Variants in CCNY observed in about 807,000 individuals in gnomAD.
CCNY encodes cyclin-Y.
In CCNY, 19 loss-of-function variants were observed where a neutral mutation model predicts 42.8. The ratio of observed to expected loss-of-function variants is 0.44; its 90% confidence interval spans 0.31 to 0.65. The LOEUF is 0.65. Ranked by LOEUF, CCNY falls within the 30% of genes least tolerant of loss-of-function variation. The probability of loss-of-function intolerance (pLI) is 0.07; values close to 1 mark genes in which losing one functional copy is unlikely to be tolerated. For synonymous variants in CCNY, 165 were observed against 162.7 expected, an observed-to-expected ratio of 1.01 and a Z score of -0.11; for missense variants, 370 against 437.3, an observed-to-expected ratio of 0.85 and a Z score of 1.37.
chr10:35,341,091 C>G (rs191924876), intron 1 of CCNY, among the ~76,000 whole-genome samples: 1 of 152,218 alleles, frequency 6.6e-6, no homozygotes, highest in Non-Finnish European at 1.5e-5. Context: ...CACTCAAAAA[C>G]GGCAGTGACT....
chr10:35,534,317 C>T (rs1840833894), intron 7 of CCNY, among the ~76,000 whole-genome samples: 1 of 152,238 alleles, frequency 6.6e-6, no homozygotes, highest in Non-Finnish European at 1.5e-5. Context: ...CCACCACACC[C>T]AGCCCTGCTT....
At chr10:35,288,805 T>C (rs368330462) in intron 3 of CCNY, among the ~76,000 whole-genome samples, 3 of 152,244 alleles carry the variant, frequency 2.0e-5, no homozygotes, top group Non-Finnish European at 2.9e-5. Context: ...TATTCACCAA[T>C]GTATGAATAC....
chr10:35,426,835 C>A (rs1439840952), intron 1 of CCNY, among the ~76,000 whole-genome samples: 1 of 152,218 alleles, frequency 6.6e-6, no homozygotes, highest in Non-Finnish European at 1.5e-5. Flanking sequence ...GAAAGGACCT[C>A]TTGGTTTTGT....
At chr10:35,545,692 C>T (rs1222823132) in intron 7 of CCNY, among the ~76,000 whole-genome samples, 1 of 152,164 alleles carries the variant, frequency 6.6e-6, no homozygotes, top group Admixed American at 6.5e-5. Context: ...CCCATATCCA[C>T]AGGATACCAA....
intron 1 of CCNY, among the ~76,000 whole-genome samples, chr10:35,406,869 C>A (rs886214917): frequency 4.0e-5 from 6 of 151,704 alleles, no homozygotes; most frequent in Non-Finnish European, 5.9e-5. Context: ...CTGACCCCCC[C>A]CCACCTCCGT....
chr10:35,463,914 T>C (rs549438567), intron 1 of CCNY, among the ~76,000 whole-genome samples: 1 of 152,236 alleles, frequency 6.6e-6, no homozygotes, highest in East Asian at 1.9e-4. Context: ...TGGAAGGTCC[T>C]GCCTGGCCAG....
intron 1 of CCNY, among the ~76,000 whole-genome samples, chr10:35,359,630 C>G (rs1836638916): frequency 6.6e-6 from 1 of 151,972 alleles, no homozygotes; most frequent in Non-Finnish European, 1.5e-5. Context: ...TGTGATCCAC[C>G]ACACCCATTT....
At chr10:35,362,462 C>T (rs1231557357) in intron 1 of CCNY, among the ~76,000 whole-genome samples, 1 of 152,092 alleles carries the variant, frequency 6.6e-6, no homozygotes, top group Non-Finnish European at 1.5e-5. Flanking sequence ...GTATTTGGGT[C>T]TTGGCAACTG....
intron 3 of CCNY, among the ~76,000 whole-genome samples, chr10:35,283,145 G>A (rs1835316133): frequency 6.6e-6 from 1 of 152,112 alleles, no homozygotes; most frequent in Non-Finnish European, 1.5e-5. Flanking sequence ...AACTCTGCTG[G>A]TGAACATATT....
chr10:35,506,148 T>C (rs893696795), intron 3 of CCNY, among the ~76,000 whole-genome samples: 3 of 152,208 alleles, frequency 2.0e-5, no homozygotes, highest in Admixed American at 6.5e-5. Context: ...GCCATATGCT[T>C]GGAGGATGTG....
chr10:35,514,928 C>A (rs183087065), intron 3 of CCNY, among the ~76,000 whole-genome samples: 70 of 152,212 alleles, frequency 4.6e-4, no homozygotes, highest in African/African-American at 1.7e-3. Flanking sequence ...TAGTTTATCA[C>A]CTATGGTAAT....
intron 3 of CCNY, among the ~76,000 whole-genome samples, chr10:35,511,376 T>G (rs1840321984): frequency 6.6e-6 from 1 of 151,918 alleles, no homozygotes. Flanking sequence ...AACACGGGCA[T>G]AGAACACACA....
chr10:35,531,605 G>A (rs1272989945), intron 7 of CCNY, among the ~76,000 whole-genome samples: 3 of 152,344 alleles, frequency 2.0e-5, no homozygotes, highest in Admixed American at 6.5e-5. Flanking sequence ...AGATTTTTAT[G>A]TAGGGAAATT....
At chr10:35,283,703 G>T (rs543348395) in intron 3 of CCNY, among the ~76,000 whole-genome samples, 1 of 152,024 alleles carries the variant, frequency 6.6e-6, no homozygotes, top group Non-Finnish European at 1.5e-5. Context: ...GCGCCCAGCC[G>T]GTAAGAACAG....
chr10:35,331,149 C>A (rs1835939317), intron 3 of CCNY, among the ~76,000 whole-genome samples: 1 of 152,322 alleles, frequency 6.6e-6, no homozygotes, highest in African/African-American at 2.4e-5. Context: ...CATCTTTGAG[C>A]TGGGCATACT....
At chr10:35,474,053 C>T (rs1204728740) in intron 1 of CCNY, among the ~76,000 whole-genome samples, 1 of 152,192 alleles carries the variant, frequency 6.6e-6, no homozygotes, top group Non-Finnish European at 1.5e-5. Flanking sequence ...CCTGGAAAAT[C>T]GGGTCATTCC....
chr10:35,294,680 G>A (rs1835450349), intron 3 of CCNY, among the ~76,000 whole-genome samples: 1 of 152,178 alleles, frequency 6.6e-6, no homozygotes, highest in Non-Finnish European at 1.5e-5. Flanking sequence ...TGTTCAGGAT[G>A]TTTACATCTA....
At chr10:35,543,518 G>A (rs542708012) in intron 7 of CCNY, among the ~76,000 whole-genome samples, 30 of 151,648 alleles carry the variant, frequency 2.0e-4, no homozygotes, top group African/African-American at 6.8e-4. Flanking sequence ...ACATCCTAGC[G>A]TATCCTAGGT....
chr10:35,486,711 C>T (rs1839795561), intron 2 of CCNY, among the ~76,000 whole-genome samples: 1 of 152,238 alleles, frequency 6.6e-6, no homozygotes, highest in Non-Finnish European at 1.5e-5. Context: ...CTCTGCCTTC[C>T]TTCCCAGCCA....
Sources: gnomAD v4.1 joint callset for allele counts (sites outside exome capture counted in the v4.1 genomes callset) on GRCh38, gnomAD v4.1.1 for gene constraint, MANE v1.5 for transcripts, NCBI Gene and HGNC (gene_info 2026-07-23, HGNC 2026-07-21) for gene names.